The following CREBRF variants were observed in gnomAD, a reference collection of about 807,000 sequenced individuals.
CREBRF encodes UPF0474 protein C5orf41.
CREBRF carries 5 observed loss-of-function variants against 66.1 expected under a neutral mutation model. The ratio of observed to expected loss-of-function variants is 0.08; its 90% CI spans 0.04 to 0.16. The LOEUF (loss-of-function observed/expected upper bound fraction) is 0.16. CREBRF is among the 10% of genes least tolerant of loss of function. The pLI is 1.00. For missense variants in CREBRF, 531 were observed against 744.9 expected, an observed-to-expected ratio of 0.71 and a Z score of 3.34; for synonymous variants, 229 against 264.4, an observed-to-expected ratio of 0.87 and a Z score of 1.30.
Position 173,086,632 on chromosome 5 carries a change from C to T in CREBRF, c.135+6C>T. 6.2e-7 allele frequency: 1 copy of T among 1,604,278 alleles called. No individual in the cohort carries two copies. The highest frequency in any genetic ancestry group is 1.1e-5 in the South Asian group (1 of 89,296). On this transcript the variant is annotated splice_donor_region_variant and intron_variant, in intron 3 of 8. Coordinates refer to ENST00000296953, the MANE Select transcript of CREBRF (RefSeq NM_153607.3). ...CAGATTTCATGTATGAACTGGTAAG[C>T]AACATTTTCTTGGTTTTGGTCTTGA...
intron 8 of CREBRF, among the ~76,000 whole-genome samples, chr5:173,128,872 C>T (rs1282820638): frequency 6.6e-6 from 1 of 151,418 alleles, no homozygotes; most frequent in Non-Finnish European, 1.5e-5. Flanking sequence ...GCTCCGCCTC[C>T]CGGGCTCACA....
intron 2 of CREBRF, among the ~76,000 whole-genome samples, chr5:173,084,552 C>T (rs1758073074): frequency 6.6e-6 from 1 of 152,174 alleles, no homozygotes; most frequent in African/African-American, 2.4e-5. Context: ...AAGGGGGGAC[C>T]ATACCTGTGG....
chr5:173,104,925 T>G (rs1048278108), intron 4 of CREBRF, among the ~76,000 whole-genome samples: 1 of 152,174 alleles, frequency 6.6e-6, no homozygotes, highest in African/African-American at 2.4e-5. Context: ...TCATGATTCT[T>G]TAAACTTAAC....
intron 4 of CREBRF, among the ~76,000 whole-genome samples, chr5:173,094,920 T>C (rs1237887549): frequency 1.3e-5 from 2 of 152,112 alleles, no homozygotes; most frequent in Admixed American, 6.5e-5. Flanking sequence ...TTAGTTCTTA[T>C]GTTTAAGTCT....
intron 4 of CREBRF, among the ~76,000 whole-genome samples, chr5:173,097,506 A>G (rs1245163750): frequency 6.6e-6 from 1 of 152,078 alleles, no homozygotes; most frequent in Admixed American, 6.6e-5. Context: ...CGGCCTCCCA[A>G]AGTGCTGGGA....
intron 6 of CREBRF, 52 bp from the exon 7 acceptor site, chr5:173,112,254 A>G: frequency 1.5e-6 from 2 of 1,310,432 alleles, no homozygotes; most frequent in East Asian, 2.4e-5. Context: ...TAAAAATAAT[A>G]AAATTAAAAT....
chr5:173,105,345 A>G lies in CREBRF; in HGVS notation c.1223-3279A>G, dbSNP rs562298716. 3.7e-4 allele frequency among the ~76,000 whole-genome samples: 57 copies of G among 152,100 alleles called. 1 individual carries two copies. Among genetic ancestry groups the G allele is most frequent in the Admixed American group, 3.9e-4 (6 of 15,266 alleles). On this transcript the variant is annotated intron_variant, in intron 4 of 8. Transcript: ENST00000296953. ...TTAAGTGTGGAACACCCAATTACTG[A>G]CATTGATAGGAAGGTGGGAGTGTTT...
intron 7 of CREBRF, among the ~76,000 whole-genome samples, chr5:173,119,296 G>T (rs921063741): frequency 6.6e-6 from 1 of 152,084 alleles, no homozygotes; most frequent in Non-Finnish European, 1.5e-5. Context: ...GGAGTTTTCC[G>T]ATCCATGGAC....
chr5:173,079,424 C>T (rs188129903), intron 1 of CREBRF, among the ~76,000 whole-genome samples: 2 of 148,714 alleles, frequency 1.3e-5, no homozygotes, highest in Admixed American at 6.7e-5. Context: ...GATTGGGCCA[C>T]TGCATTCCAG....
intron 1 of CREBRF, among the ~76,000 whole-genome samples, chr5:173,062,381 A>G (rs1757296639): frequency 6.6e-6 from 1 of 152,224 alleles, no homozygotes; most frequent in South Asian, 2.1e-4. Flanking sequence ...CTGGAAAGTA[A>G]TAAAGTCTAC....
At chr5:173,059,076 G>A (rs1276798447) in intron 1 of CREBRF, among the ~76,000 whole-genome samples, 1 of 151,790 alleles carries the variant, frequency 6.6e-6, no homozygotes, top group Admixed American at 6.6e-5. Flanking sequence ...GGGATTACAG[G>A]TGTGAGCTAC....
At chr5:173,092,128 T>C in intron 4 of CREBRF, 1 of 879,508 alleles carries the variant, frequency 1.1e-6, no homozygotes, top group Non-Finnish European at 1.4e-6. Context: ...TTTATGCATG[T>C]GTCTCTCTAT....
chr5:173,082,770 G>A (rs1227140154), intron 2 of CREBRF, among the ~76,000 whole-genome samples: 3 of 151,350 alleles, frequency 2.0e-5, no homozygotes, highest in African/African-American at 2.4e-5. Flanking sequence ...TAGGCCAGGC[G>A]TGGTGGTGCG....
At chr5:173,133,547 A>G in intron 8 of CREBRF, 83 bp from the exon 9 acceptor site, 1 of 692,596 alleles carries the variant, frequency 1.4e-6, no homozygotes, top group East Asian at 2.7e-5. Context: ...CCACACCTGA[A>G]CCTCAGTTTT....
At chr5:173,096,487 C>T (rs1758480710) in intron 4 of CREBRF, among the ~76,000 whole-genome samples, 1 of 121,722 alleles carries the variant, frequency 8.2e-6, no homozygotes, top group Non-Finnish European at 1.7e-5. Flanking sequence ...TTTCTGTGTC[C>T]AGTCCCTCCC....
chr5:173,094,513 C>T (rs1036661223), intron 4 of CREBRF, among the ~76,000 whole-genome samples: 7 of 152,156 alleles, frequency 4.6e-5, no homozygotes, highest in South Asian at 2.1e-4. Flanking sequence ...TTGTGGCTTT[C>T]GTTTGTATTT....
chr5:173,103,809 C>T (rs1758685175), intron 4 of CREBRF, among the ~76,000 whole-genome samples: 2 of 152,202 alleles, frequency 1.3e-5, no homozygotes, highest in Non-Finnish European at 2.9e-5. Flanking sequence ...TAAACATCTT[C>T]ACAGTTGACT....
At chr5:173,062,645 A>G (rs1230916293) in intron 1 of CREBRF, among the ~76,000 whole-genome samples, 2 of 150,640 alleles carry the variant, frequency 1.3e-5, no homozygotes, top group African/African-American at 2.4e-5. Context: ...GATTTGTCCT[A>G]TTTGGCAAAT....
chr5:173,086,008 C>T (rs1023340715), intron 2 of CREBRF: 26 of 1,440,214 alleles, frequency 1.8e-5, no homozygotes, highest in South Asian at 4.6e-5. Flanking sequence ...GATAACTCAG[C>T]GGTCATAATC....
Sources: allele counts gnomAD v4.1 joint callset (sites outside exome capture counted in the v4.1 genomes callset), GRCh38; gene constraint gnomAD v4.1.1; transcripts MANE v1.5; gene names NCBI Gene and HGNC (gene_info 2026-07-23, HGNC 2026-07-21).